AAK1: variants seen among roughly 807,000 people sequenced by gnomAD.
The protein encoded by AAK1 is AP2-associated protein kinase 1.
A neutral mutation model predicts 116.0 loss-of-function variants in AAK1; 37 were observed. That is an observed-to-expected ratio of 0.32 (90% CI 0.25 to 0.42). The LOEUF (loss-of-function observed/expected upper bound fraction) is 0.42. Among genes scored for constraint, AAK1 ranks in the 10% least tolerant of loss-of-function variants. The pLI, the probability that AAK1 is intolerant of heterozygous loss-of-function variation, is 1.00. For synonymous variants in AAK1, 458 were observed against 439.9 expected (o/e 1.04, Z -0.51); for missense variants, 919 against 1,170.6 (o/e 0.79, Z 3.14).
intron 5 of AAK1, among the ~76,000 whole-genome samples, chr2:69,536,894 T>C (rs775473304): frequency 2.6e-5 from 4 of 152,248 alleles, no homozygotes; most frequent in African/African-American, 4.8e-5. Flanking sequence ...CTTCATCCTA[T>C]TATACTTCAT....
rs148928226 is a variant in AAK1 at position 69,621,949 on chromosome 2, G to A, written c.163+20929C>T. On this transcript the variant is annotated intron_variant, in intron 2 of 21. Coordinates refer to ENST00000409085, the MANE Select transcript of AAK1 (RefSeq NM_014911.5). ...GCCCTCCTAGCCCTCACTCGCTTTC[G>A]ACGCCTCCTCGGCCTTGGCGCCCAC... is the stretch of plus-strand genomic sequence containing the variant. Among the ~76,000 whole-genome samples the A allele has an allele frequency of 1.2e-3, 180 of 152,356 alleles. No homozygotes were observed. The Middle Eastern group carries it at 0.024, about 20-fold the overall frequency.
chr2:69,553,452 T>G (rs896624775), intron 3 of AAK1, among the ~76,000 whole-genome samples: 2 of 140,236 alleles, frequency 1.4e-5, no homozygotes, highest in South Asian at 4.7e-4. Context: ...TTTTTTTTTT[T>G]TTTTTTTTTT....
Position 69,467,458 on chromosome 2 carries a change from CAT to C in AAK1, c.*8409_*8410del. 1 of 985,306 alleles carries C rather than the reference CAT, an allele frequency of 1.0e-6. No homozygotes were observed. Among genetic ancestry groups the C allele is most frequent in the Admixed American group, 6.2e-5 (1 of 16,254 alleles). The allele number at this position is 985,306 out of a possible 1,614,324, so 61.0% of individuals were successfully genotyped here. A position where few individuals can be genotyped will look rare whatever the true frequency, so the allele number is the denominator to read the frequency against. Reference sequence around the variant, plus strand: ...CAGGTTAGAAGTATGTCATTGGGCACATGTTAGCAAGAGGGCAGGAAAAAGGC... The same window carrying C: ...CAGGTTAGAAGTATGTCATTGGGCACGTTAGCAAGAGGGCAGGAAAAAGGC... On this transcript the variant is annotated 3_prime_UTR_variant, in exon 22 of 22. Coordinates refer to ENST00000409085, the MANE Select transcript of AAK1 (RefSeq NM_014911.5).
intron 5 of AAK1, among the ~76,000 whole-genome samples, chr2:69,541,224 CTTCTTTT>C (rs1156422338): frequency 1.6e-4 from 22 of 141,634 alleles, no homozygotes; most frequent in African/African-American, 6.1e-4. Flanking sequence ...GAATTTTATA[CTTCTTTT>C]TTTTTTTTTT....
chr2:69,598,311 T>C (rs557872612), intron 2 of AAK1: 4 of 362,784 alleles, frequency 1.1e-5, no homozygotes, highest in Non-Finnish European at 2.1e-5. Flanking sequence ...AAAAACCCCA[T>C]ATTTTATACC....
chr2:69,560,997 T>C (rs935695760), intron 2 of AAK1, among the ~76,000 whole-genome samples: 3 of 152,000 alleles, frequency 2.0e-5, no homozygotes, highest in Non-Finnish European at 2.9e-5. Flanking sequence ...TGTGGGAATA[T>C]GGACCTGGTT....
intron 16 of AAK1, among the ~76,000 whole-genome samples, chr2:69,503,001 A>G (rs1676037281): frequency 6.6e-6 from 1 of 152,230 alleles, no homozygotes; most frequent in Non-Finnish European, 1.5e-5. Context: ...TGACGTGGAA[A>G]CTGCTAATTT....
intron 17 of AAK1, among the ~76,000 whole-genome samples, chr2:69,492,041 A>G (rs575522100): frequency 4.6e-5 from 7 of 152,092 alleles, no homozygotes; most frequent in Non-Finnish European, 1.0e-4. Flanking sequence ...AAACAACACT[A>G]AGGACTCACT....
chr2:69,483,700 C>T (rs1305025836), intron 17 of AAK1, among the ~76,000 whole-genome samples: 4 of 152,070 alleles, frequency 2.6e-5, no homozygotes, highest in Non-Finnish European at 4.4e-5. Context: ...TTATTGTCTG[C>T]CAACTATGCA....
chr2:69,526,012 G>A (rs1488770362), intron 9 of AAK1, among the ~76,000 whole-genome samples: 3 of 152,162 alleles, frequency 2.0e-5, no homozygotes, highest in Non-Finnish European at 4.4e-5. Context: ...TCCAGGTGGG[G>A]GGAGATTTTC....
rs528563875 is a variant in AAK1 at position 69,471,936 on chromosome 2, C to T, written c.*3933G>A. Reference sequence around the variant, plus strand: ...AATATTACATCTTGAGAAAGTAGTTCGTTTCTTGGGTTTGTTTTTCCACAA... The same window carrying T: ...AATATTACATCTTGAGAAAGTAGTTTGTTTCTTGGGTTTGTTTTTCCACAA... On this transcript the variant is annotated 3_prime_UTR_variant, in exon 22 of 22. Transcript: ENST00000409085. 108 of 985,342 alleles carry T rather than the reference C, an allele frequency of 1.1e-4. No individual in the cohort carries two copies. In the African/African-American group the frequency reaches 1.7e-3, roughly 15 times the overall value. The allele number at this position is 985,342 out of a possible 1,614,324, so 61.0% of individuals were successfully genotyped here. A position where few individuals can be genotyped will look rare whatever the true frequency, so the allele number is the denominator to read the frequency against.
chr2:69,598,218 T>C (rs1673392555), intron 2 of AAK1: 1 of 631,544 alleles, frequency 1.6e-6, no homozygotes, highest in African/African-American at 1.9e-5. Flanking sequence ...TGAAATTTAG[T>C]AAAGTATCTT....
chr2:69,505,888 T>C (rs962039401), intron 15 of AAK1, among the ~76,000 whole-genome samples: 2 of 152,210 alleles, frequency 1.3e-5, no homozygotes, highest in Non-Finnish European at 2.9e-5. Flanking sequence ...AAAGAGAGCA[T>C]GTCATCAGTT....
chr2:69,591,513 TTTTC>T (rs987416561), intron 2 of AAK1, among the ~76,000 whole-genome samples: 2 of 138,280 alleles, frequency 1.4e-5, no homozygotes, highest in Admixed American at 8.4e-5. Context: ...TTTTTTCTTT[TTTTC>T]TTTTTCTTTT....
At chr2:69,493,534 T>C (rs1675623118) in intron 17 of AAK1, among the ~76,000 whole-genome samples, 1 of 152,154 alleles carries the variant, frequency 6.6e-6, no homozygotes, top group Non-Finnish European at 1.5e-5. Context: ...ACCTAAAGGC[T>C]TCCAGCTTCT....
intron 3 of AAK1, among the ~76,000 whole-genome samples, chr2:69,552,602 T>C (rs1671226348): frequency 6.6e-6 from 1 of 151,916 alleles, no homozygotes; most frequent in Non-Finnish European, 1.5e-5. Flanking sequence ...TCCCAGCTAC[T>C]CGGGAGGCTG....
chr2:69,467,375 T>G lies in AAK1; in HGVS notation c.*8494A>C. ...AGGTGCCTCAGGGTGCTCTGGCTTTTAAAATCAAATAGACAATTATCAGAA... is the reference window on the plus strand; with the variant it reads ...AGGTGCCTCAGGGTGCTCTGGCTTTGAAAATCAAATAGACAATTATCAGAA... On this transcript the variant is annotated 3_prime_UTR_variant, in exon 22 of 22. Transcript: ENST00000409085. 1 of 985,426 alleles carries G rather than the reference T, an allele frequency of 1.0e-6. No individual in the cohort carries two copies. The highest frequency in any genetic ancestry group is 1.2e-6 in the Non-Finnish European group (1 of 829,926). 61.0% of individuals were successfully genotyped at this position (985,426 alleles called of 1,614,324 possible). A position where few individuals can be genotyped will look rare whatever the true frequency, so the allele number is the denominator to read the frequency against.
At chr2:69,538,458 C>T (rs1670569219) in intron 5 of AAK1, among the ~76,000 whole-genome samples, 1 of 152,248 alleles carries the variant, frequency 6.6e-6, no homozygotes, top group South Asian at 2.1e-4. Context: ...TGACCCAGCA[C>T]CTCACTGTAG....
rs1336627632 is a variant in AAK1, at chr2:69,466,736, CTG to C, written c.*9131_*9132del. On this transcript the variant is annotated 3_prime_UTR_variant, in exon 22 of 22. Transcript: ENST00000409085. ...ACACAAACTGGAACACAATCAACCA[CTG>C]TCTCACGTTTTGGAACATGATAGGC... 1.0e-6 allele frequency: 1 copy of C among 985,270 alleles called. No individual in the cohort carries two copies. The highest frequency in any genetic ancestry group is 6.2e-5 in the Admixed American group (1 of 16,260). 61.0% of individuals were successfully genotyped at this position (985,270 alleles called of 1,614,324 possible).
Sources: gnomAD v4.1 joint callset for allele counts (sites outside exome capture counted in the v4.1 genomes callset) on GRCh38, gnomAD v4.1.1 for gene constraint, MANE v1.5 for transcripts, NCBI Gene and HGNC (gene_info 2026-07-23, HGNC 2026-07-21) for gene names.